The following HIP1 variants were observed in gnomAD, a reference collection of about 807,000 sequenced individuals.
HIP1 encodes the protein huntingtin interacting protein 1.
HIP1 carries 65 observed loss-of-function variants against 147.6 expected under a neutral mutation model. The ratio of observed to expected loss-of-function variants is 0.44; its 90% confidence interval spans 0.36 to 0.54. HIP1 has a LOEUF of 0.54. Among genes scored for constraint, HIP1 ranks in the 20% least tolerant of loss-of-function variants. The pLI is 0.00. For missense variants in HIP1, 1,061 were observed against 1,299.6 expected, an observed-to-expected ratio of 0.82 and a Z score of 2.82; for synonymous variants, 479 against 504.0, an observed-to-expected ratio of 0.95 and a Z score of 0.67.
chr7:75,606,372 G>A (rs1375652397), intron 1 of HIP1, among the ~76,000 whole-genome samples: 1 of 152,080 alleles, frequency 6.6e-6, no homozygotes, highest in Non-Finnish European at 1.5e-5. Context: ...CTGAGACCAG[G>A]AGTTCAAGAC....
Position 75,621,133 on chromosome 7 carries a change from G to A in HIP1, c.121-21886C>T, listed in dbSNP as rs181699530. Among the ~76,000 whole-genome samples the A allele has an allele frequency of 8.2e-4, 125 of 152,272 alleles. 2 individuals carry two copies. The East Asian group carries it at 0.022, about 27-fold the overall frequency. On this transcript the variant is annotated intron_variant, in intron 1 of 30. Coordinates refer to ENST00000336926, the MANE Select transcript of HIP1 (RefSeq NM_005338.7). ...GAGGTGGGAGGATGGCTTGAGCCCAGGAGTTTGAGGCTGCAGTGAGCTACG... is the reference window on the plus strand; with the variant it reads ...GAGGTGGGAGGATGGCTTGAGCCCAAGAGTTTGAGGCTGCAGTGAGCTACG...
chr7:75,578,788 A>T (rs1554498127), intron 7 of HIP1, among the ~76,000 whole-genome samples: 1 of 152,158 alleles, frequency 6.6e-6, no homozygotes, highest in African/African-American at 2.4e-5. Flanking sequence ...AACAATGTAT[A>T]CTTGTTTATA....
At chr7:75,544,170 TCC>T (rs1563190109) in intron 27 of HIP1, among the ~76,000 whole-genome samples, 1 of 31,664 alleles carries the variant, frequency 3.2e-5, no homozygotes, top group African/African-American at 1.4e-4. Flanking sequence ...AGGCTCTGTC[TCC>T]AAAAAAAAAA....
chr7:75,618,156 AT>A (rs1334341263), intron 1 of HIP1, among the ~76,000 whole-genome samples: 12 of 151,162 alleles, frequency 7.9e-5, no homozygotes, highest in Non-Finnish European at 1.2e-4. Context: ...TCTTTCTTTC[AT>A]TTTTTTTCTT....
chr7:75,559,898 C>T lies in HIP1; in HGVS notation c.1209G>A (p.Leu403=). Residue 403 remains leucine (L), a synonymous_variant, in exon 14 of 31, where the codon CTG becomes CTA. Transcript: ENST00000336926. The stretch of plus-strand genomic sequence containing the variant: ...GCTCGCTGACGTGGCCCTTCAGCTG[C>T]AGCACAACCCGCTGGCTCTGTGGGG... ...NMKTESQRVV[L]QLKGHVSELE... 6 of 1,605,914 alleles carry T rather than the reference C, an allele frequency of 3.7e-6. No homozygotes were observed. In the South Asian group the frequency reaches 5.5e-5, roughly 15 times the overall value.
chr7:75,566,564 G>A lies in HIP1; in HGVS notation c.803+1635C>T, dbSNP rs1795409659. Among the ~76,000 whole-genome samples the A allele has an allele frequency of 2.0e-5, 3 of 151,642 alleles. No individual in the cohort carries two copies. In the South Asian group the frequency reaches 6.2e-4, roughly 31 times the overall value. ...GCGCTAACTTCCGGATGTTGCCATAGCAATGGTAAACTGTCACTGCACACT... is the reference window on the plus strand; with the variant it reads ...GCGCTAACTTCCGGATGTTGCCATAACAATGGTAAACTGTCACTGCACACT... On this transcript the variant is annotated intron_variant, in intron 9 of 30. Coordinates refer to ENST00000336926, the MANE Select transcript of HIP1 (RefSeq NM_005338.7).
intron 1 of HIP1, among the ~76,000 whole-genome samples, chr7:75,675,294 G>A (rs752621720): frequency 1.3e-5 from 2 of 151,968 alleles, no homozygotes; most frequent in South Asian, 2.1e-4. Context: ...TCCACTTCCC[G>A]GGTTCAAGTG....
intron 9 of HIP1, 85 bp from the exon 10 acceptor site, chr7:75,563,348 C>T: frequency 1.6e-6 from 2 of 1,225,738 alleles, no homozygotes; most frequent in East Asian, 4.7e-5. Flanking sequence ...GCTTTCCTGC[C>T]CCCTCCCCAG....
chr7:75,595,835 C>T (rs1796722868), intron 2 of HIP1, among the ~76,000 whole-genome samples: 1 of 152,098 alleles, frequency 6.6e-6, no homozygotes, highest in Admixed American at 6.6e-5. Flanking sequence ...GGCGGGCCAA[C>T]CTGTTCACCA....
At position 75,693,752 on chromosome 7, in the gene HIP1, G is replaced by A. The variant is rs568527150; in HGVS notation, c.120+45049C>T. Among the ~76,000 whole-genome samples, 4 of 135,842 alleles carry A rather than the reference G, an allele frequency of 2.9e-5. No homozygotes were observed. In the East Asian group the frequency reaches 1.0e-3, roughly 36 times the overall value. 89.1% of individuals were successfully genotyped at this position (135,842 alleles called of 152,430 possible). On this transcript the variant is annotated intron_variant, in intron 1 of 30. Coordinates refer to ENST00000336926, the MANE Select transcript of HIP1 (RefSeq NM_005338.7). ...TAGCCAGGCATGGTGGCGCTCACCT[G>A]TAGTCCCAGCTACTCGGGGGAAGGG...
Position 75,618,660 on chromosome 7 carries a change from A to G in HIP1, c.121-19413T>C, listed in dbSNP as rs587616904. Reference sequence around the variant, plus strand: ...ATTAATATACTGCTACTTATCTCCAATGATCTGAAGACTCAAGGTGGGTGA... The same window carrying G: ...ATTAATATACTGCTACTTATCTCCAGTGATCTGAAGACTCAAGGTGGGTGA... On this transcript the variant is annotated intron_variant, in intron 1 of 30. Coordinates refer to ENST00000336926, the MANE Select transcript of HIP1 (RefSeq NM_005338.7). Among the ~76,000 whole-genome samples, 5 of 152,196 alleles carry G rather than the reference A, an allele frequency of 3.3e-5. No individual in the cohort carries two copies. In the South Asian group the frequency reaches 1.0e-3, roughly 32 times the overall value.
chr7:75,689,804 C>T (rs901123034), intron 1 of HIP1, among the ~76,000 whole-genome samples: 9 of 151,934 alleles, frequency 5.9e-5, no homozygotes, highest in African/African-American at 1.5e-4. Context: ...GGCTGTGGGA[C>T]GAGGGATGTC....
chr7:75,632,900 A>T (rs1024073409), intron 1 of HIP1, among the ~76,000 whole-genome samples: 17 of 152,220 alleles, frequency 1.1e-4, no homozygotes, highest in African/African-American at 4.1e-4. Flanking sequence ...GCAAAATGAC[A>T]CAGGAACAGA....
chr7:75,707,909 G>C (rs1801051634), intron 1 of HIP1, among the ~76,000 whole-genome samples: 1 of 132,436 alleles, frequency 7.6e-6, no homozygotes, highest in African/African-American at 3.0e-5. Context: ...GTAGAAAGCT[G>C]AAACTGGATC....
chr7:75,607,376 ACAC>A (rs1410204148), intron 1 of HIP1, among the ~76,000 whole-genome samples: 1 of 151,094 alleles, frequency 6.6e-6, no homozygotes, highest in Non-Finnish European at 1.5e-5. Context: ...TTGCAGGTGC[ACAC>A]CACCAAGCCC....
intron 1 of HIP1, among the ~76,000 whole-genome samples, chr7:75,658,637 C>A (rs1799213800): frequency 6.6e-6 from 1 of 152,052 alleles, no homozygotes; most frequent in Admixed American, 6.6e-5. Context: ...AGCAGGAGGC[C>A]AGGCGCCGTG....
At chr7:75,709,315 G>T (rs1396288251) in intron 1 of HIP1, among the ~76,000 whole-genome samples, 1 of 151,992 alleles carries the variant, frequency 6.6e-6, no homozygotes, top group East Asian at 1.9e-4. Context: ...GTTTCACCAT[G>T]TCGGTCAGGC....
chr7:75,637,890 C>T (rs116164800), intron 1 of HIP1, among the ~76,000 whole-genome samples: 2,361 of 151,382 alleles, frequency 0.016, 64 homozygotes, highest in African/African-American at 0.047. Context: ...CTCGAAAGGG[C>T]ACCCTCTGGG....
chr7:75,557,763 T>G lies in HIP1; in HGVS notation c.1472A>C (p.Glu491Ala). Residue 491 changes from glutamate (E) to alanine (A), a missense_variant, in exon 16 of 31, where the codon GAG (glutamate) becomes GCG (alanine). Transcript: ENST00000336926. Reference protein sequence around the residue: ...NHADLLRKNAEVTKQVSMARQ... With the variant: ...NHADLLRKNAAVTKQVSMARQ... The stretch of plus-strand genomic sequence containing the variant: ...GGCCATGGACACCTGTTTGGTCACC[T>G]CTGCATTCTGCAAAAGAAGAACAGT... 6.2e-7 allele frequency: 1 copy of G among 1,611,274 alleles called. No individual in the cohort carries two copies. The highest frequency in any genetic ancestry group is 8.5e-7 in the Non-Finnish European group (1 of 1,177,480).
Sources: allele counts gnomAD v4.1 joint callset (sites outside exome capture counted in the v4.1 genomes callset), GRCh38; gene constraint gnomAD v4.1.1; transcripts MANE v1.5; gene names NCBI Gene and HGNC (gene_info 2026-07-23, HGNC 2026-07-21).